The following LRRTM4 variants were observed in gnomAD, a reference collection of about 807,000 sequenced individuals.
LRRTM4 encodes leucine-rich repeat transmembrane neuronal protein 4.
A neutral mutation model predicts 47.6 loss-of-function variants in LRRTM4; 25 were observed. That is an observed-to-expected ratio of 0.53 (90% confidence interval 0.38 to 0.73). LRRTM4 has a LOEUF of 0.73. Among genes scored for constraint, LRRTM4 ranks in the 30% least tolerant of loss-of-function variants. The probability of loss-of-function intolerance (pLI) is 0.00; values close to 1 mark genes in which losing one functional copy is unlikely to be tolerated. For missense variants in LRRTM4, 638 were observed against 713.4 expected, an observed-to-expected ratio of 0.89 and a Z score of 1.20; for synonymous variants, 311 against 269.5, an observed-to-expected ratio of 1.15 and a Z score of -1.51.
At chr2:77,411,307 C>T (rs1360159981) in intron 3 of LRRTM4, among the ~76,000 whole-genome samples, 2 of 152,130 alleles carry the variant, frequency 1.3e-5, no homozygotes, top group African/African-American at 2.4e-5. Flanking sequence ...TCAAGTCACT[C>T]TTTCTTACAT....
At chr2:77,103,821 C>T (rs1366082858) in intron 3 of LRRTM4, among the ~76,000 whole-genome samples, 1 of 151,834 alleles carries the variant, frequency 6.6e-6, no homozygotes, top group Non-Finnish European at 1.5e-5. Context: ...AAATGGCAGA[C>T]CACAAACTGC....
At chr2:77,185,509 T>G (rs1037758197) in intron 3 of LRRTM4, among the ~76,000 whole-genome samples, 1 of 152,268 alleles carries the variant, frequency 6.6e-6, no homozygotes, top group East Asian at 1.9e-4. Flanking sequence ...TATTTTACTT[T>G]ACCTATACAG....
intron 3 of LRRTM4, among the ~76,000 whole-genome samples, chr2:77,291,026 A>G (rs888725432): frequency 1.3e-5 from 2 of 152,196 alleles, no homozygotes; most frequent in Non-Finnish European, 2.9e-5. Flanking sequence ...GATAACCTCC[A>G]TATTCTGTCC....
At chr2:77,251,249 G>GTATA (rs142860275) in intron 3 of LRRTM4, among the ~76,000 whole-genome samples, 27 of 70,596 alleles carry the variant, frequency 3.8e-4, no homozygotes, top group South Asian at 1.1e-3. Context: ...GTGTGTGTGT[G>GTATA]TATATATATA....
At chr2:76,999,245 A>G (rs1228853493) in intron 3 of LRRTM4, among the ~76,000 whole-genome samples, 2 of 152,108 alleles carry the variant, frequency 1.3e-5, no homozygotes, top group Non-Finnish European at 1.5e-5. Flanking sequence ...AGCTGTGGGT[A>G]TGATCCAAAT....
intron 3 of LRRTM4, among the ~76,000 whole-genome samples, chr2:77,051,083 C>T (rs918564696): frequency 2.6e-5 from 4 of 151,458 alleles, no homozygotes; most frequent in African/African-American, 9.7e-5. Context: ...GGCAGTTTTG[C>T]TCTCCATGGG....
intron 3 of LRRTM4, among the ~76,000 whole-genome samples, chr2:76,775,379 G>C (rs576313433): frequency 6.6e-6 from 1 of 152,244 alleles, no homozygotes; most frequent in South Asian, 2.1e-4. Flanking sequence ...AATCAGAAAT[G>C]CATTTGAGGG....
chr2:77,477,316 A>G (rs1677443703), intron 3 of LRRTM4, among the ~76,000 whole-genome samples: 1 of 152,192 alleles, frequency 6.6e-6, no homozygotes, highest in Non-Finnish European at 1.5e-5. Context: ...GGCAAAACCA[A>G]TAAATTTCTT....
intron 3 of LRRTM4, among the ~76,000 whole-genome samples, chr2:76,875,796 C>G (rs943121074): frequency 2.0e-5 from 3 of 152,118 alleles, no homozygotes; most frequent in Non-Finnish European, 2.9e-5. Flanking sequence ...TCTTGCTAGT[C>G]ATTTCATATC....
chr2:77,507,914 A>G lies in LRRTM4; in HGVS notation c.1551+10404T>C, dbSNP rs1425426605. 2.0e-5 allele frequency among the ~76,000 whole-genome samples: 3 copies of G among 152,168 alleles called. No individual in the cohort carries two copies. The East Asian group carries it at 5.8e-4, about 29-fold the overall frequency. ...TGATCAGAATACCCTGACTCAAAAAAGATCTATGATGCTGACTAGTGGATC... is the reference window on the plus strand; with the variant it reads ...TGATCAGAATACCCTGACTCAAAAAGGATCTATGATGCTGACTAGTGGATC... On this transcript the variant is annotated intron_variant, in intron 3 of 3. Transcript: ENST00000409884.
At chr2:77,106,255 A>G (rs757460508) in intron 3 of LRRTM4, among the ~76,000 whole-genome samples, 2 of 152,166 alleles carry the variant, frequency 1.3e-5, no homozygotes, top group Non-Finnish European at 2.9e-5. Context: ...AAATGTAGGT[A>G]TTGGTTCCTT....
chr2:76,768,421 T>A (rs1225751869), intron 3 of LRRTM4, among the ~76,000 whole-genome samples: 4 of 152,106 alleles, frequency 2.6e-5, no homozygotes, highest in Non-Finnish European at 5.9e-5. Flanking sequence ...TGGCTTTTCA[T>A]TAGGTCAATC....
At chr2:76,977,095 T>C (rs2103956924) in intron 3 of LRRTM4, among the ~76,000 whole-genome samples, 1 of 151,768 alleles carries the variant, frequency 6.6e-6, no homozygotes, top group East Asian at 2.0e-4. Flanking sequence ...CTCTTACCTT[T>C]GAGCTAGCAA....
At chr2:77,055,609 G>A (rs796859745) in intron 3 of LRRTM4, among the ~76,000 whole-genome samples, 81 of 152,196 alleles carry the variant, frequency 5.3e-4, no homozygotes, top group African/African-American at 1.1e-3. Flanking sequence ...AAACTAGTTC[G>A]ACCATTGTGG....
intron 3 of LRRTM4, among the ~76,000 whole-genome samples, chr2:76,912,814 C>A (rs940805103): frequency 2.0e-5 from 3 of 152,198 alleles, no homozygotes; most frequent in African/African-American, 7.2e-5. Flanking sequence ...CTCCCCCACT[C>A]TCATCCTCCT....
At chr2:76,772,431 G>T (rs1231565553) in intron 3 of LRRTM4, among the ~76,000 whole-genome samples, 1 of 152,154 alleles carries the variant, frequency 6.6e-6, no homozygotes, top group Non-Finnish European at 1.5e-5. Flanking sequence ...ATAGGAAACT[G>T]AGCAATGTCT....
intron 3 of LRRTM4, among the ~76,000 whole-genome samples, chr2:77,491,935 T>C (rs1315170728): frequency 6.6e-6 from 1 of 151,894 alleles, no homozygotes; most frequent in African/African-American, 2.4e-5. Flanking sequence ...ATACAGGTGA[T>C]ATGCAAAAAC....
intron 3 of LRRTM4, among the ~76,000 whole-genome samples, chr2:77,441,961 G>T (rs72921935): frequency 0.077 from 11,668 of 152,118 alleles, 1,425 homozygotes; most frequent in African/African-American, 0.26. Context: ...ACTTGCAGAG[G>T]AGATGTCACC....
chr2:77,148,573 GT>G (rs1295784910), intron 3 of LRRTM4, among the ~76,000 whole-genome samples: 11 of 152,070 alleles, frequency 7.2e-5, no homozygotes, highest in African/African-American at 2.7e-4. Context: ...TGCATCTTCT[GT>G]AACAAAGGAG....
Sources: allele counts gnomAD v4.1 joint callset (sites outside exome capture counted in the v4.1 genomes callset), GRCh38; gene constraint gnomAD v4.1.1; transcripts MANE v1.5; gene names NCBI Gene and HGNC (gene_info 2026-07-23, HGNC 2026-07-21).